TTC12: variants seen among roughly 807,000 people sequenced by gnomAD.
TTC12 encodes the protein tetratricopeptide repeat domain 12.
Under a neutral mutation model 90.1 loss-of-function variants are expected in TTC12, and 70 were observed. That is an observed-to-expected ratio of 0.78 (90% CI 0.64 to 0.95). TTC12 has a LOEUF of 0.95. Among genes scored for constraint, TTC12 ranks in the 40% least tolerant of loss-of-function variants. The pLI is 0.00. For missense variants in TTC12, 819 were observed against 846.1 expected, an observed-to-expected ratio of 0.97 and a Z score of 0.40; for synonymous variants, 296 against 311.5, an observed-to-expected ratio of 0.95 and a Z score of 0.53.
intron 4 of TTC12, chr11:113,324,328 A>T: frequency 1.9e-6 from 1 of 537,244 alleles, no homozygotes; most frequent in Non-Finnish European, 3.2e-6. Flanking sequence ...ACGGAACAAA[A>T]AAATCTCTCT....
At chr11:113,325,888 C>T (rs1947660193) in intron 6 of TTC12, among the ~76,000 whole-genome samples, 1 of 152,170 alleles carries the variant, frequency 6.6e-6, no homozygotes, top group Non-Finnish European at 1.5e-5. Context: ...CCATTATCAG[C>T]TCTCTCCATA....
chr11:113,316,899 T>G (rs1555135929), intron 2 of TTC12, among the ~76,000 whole-genome samples: 4 of 152,244 alleles, frequency 2.6e-5, no homozygotes. Flanking sequence ...CAGTCCCTGT[T>G]CAGGGAGCTT....
At chr11:113,329,856 G>A (rs1046571474) in intron 6 of TTC12, 64 bp from the exon 7 acceptor site, 4 of 1,330,000 alleles carry the variant, frequency 3.0e-6, no homozygotes, top group East Asian at 4.6e-5. Context: ...TGTTCTTTCT[G>A]TGTGAACTGA....
At chr11:113,339,638 C>A in intron 10 of TTC12, 164 bp downstream of exon 10, 1 of 609,946 alleles carries the variant, frequency 1.6e-6, no homozygotes, top group Non-Finnish European at 2.8e-6. Flanking sequence ...AAATGTCCTC[C>A]GACTTCTGCT....
Position 113,341,923 on chromosome 11 carries a change from A to T in TTC12, c.983A>T (p.Asn328Ile). ...CTCTGGCAAGCAGTGTGCAGCAGGA[A>T]CGGTAAGCCTGGGTAATCACCGTTG... ...LKLWQAVCSR[N>I]EENQRVLVIH... The change falls in exon 12 of 22, where the codon AAC (asparagine) becomes ATC (isoleucine). Residue 328 changes from asparagine (N) to isoleucine (I), a missense_variant and splice_region_variant. Physicochemically the swap from Asn to Ile is moderately radical, Grantham distance 149 (BLOSUM62 -3). Coordinates refer to ENST00000529221, the MANE Select transcript of TTC12 (RefSeq NM_017868.4). 6.2e-7 allele frequency: 1 copy of T among 1,613,670 alleles called. No homozygotes were observed. Among genetic ancestry groups the T allele is most frequent in the Non-Finnish European group, 8.5e-7 (1 of 1,179,564 alleles).
At chr11:113,369,442 C>T (rs1950323082), downstream of TTC12, among the ~76,000 whole-genome samples, 1 of 126,342 alleles carries the variant, frequency 7.9e-6, no homozygotes, top group African/African-American at 2.9e-5. Flanking sequence ...GTGCATTGTG[C>T]CTTTGCTCTG....
At chr11:113,338,972 G>A (rs1948533711) in intron 9 of TTC12, 138 bp downstream of exon 9, 1 of 746,204 alleles carries the variant, frequency 1.3e-6, no homozygotes, top group South Asian at 1.7e-5. Flanking sequence ...TGGGTCCTCT[G>A]TGTTAACCAG....
At chr11:113,338,998 T>C (rs78278794) in intron 9 of TTC12, among the ~76,000 whole-genome samples, 164 bp downstream of exon 9, 1,672 of 152,296 alleles carry the variant, frequency 0.011, 36 homozygotes, top group African/African-American at 0.038. Context: ...TCTGCTCCTC[T>C]GTTTGCTGTG....
At chr11:113,314,657 C>G (rs1335529697) in intron 1 of TTC12, 39 bp downstream of exon 1, 3 of 153,004 alleles carry the variant, frequency 2.0e-5, no homozygotes, top group African/African-American at 7.2e-5. Context: ...CCCCTGGGAG[C>G]TGGTCCTGCA....
At position 113,325,640 on chromosome 11, in the gene TTC12, G is replaced by T. The variant is rs1947641441; in HGVS notation, c.439G>T (p.Ala147Ser). ...KDMKVLYTNR[A>S]QAYMKLEDYE... ...CATGAAAGTGCTGTACACCAACCGA[G>T]CCCAGGTCAGTGAGGCAGGGATGTA... The change falls in exon 6 of 22, where the codon GCC becomes TCC. Residue 147 changes from alanine (A) to serine (S), a missense_variant. Physicochemically the swap from Ala to Ser is moderately conservative, Grantham distance 99 (BLOSUM62 1). Coordinates refer to ENST00000529221, the MANE Select transcript of TTC12 (RefSeq NM_017868.4). 1 of 1,613,768 alleles carries T rather than the reference G, an allele frequency of 6.2e-7. No homozygotes were observed. Among genetic ancestry groups the T allele is most frequent in the East Asian group, 2.2e-5 (1 of 44,900 alleles).
At chr11:113,367,276 T>A (rs908800232), downstream of TTC12, among the ~76,000 whole-genome samples, 18 of 152,232 alleles carry the variant, frequency 1.2e-4, no homozygotes, top group African/African-American at 4.3e-4. Context: ...CGTACCCTGC[T>A]ACCTGCCCTG....
chr11:113,364,650 G>A, intron 20 of TTC12, 185 bp from the exon 21 acceptor site: 1 of 601,626 alleles, frequency 1.7e-6, no homozygotes, highest in Admixed American at 2.7e-5. Flanking sequence ...GGTTCAGCAA[G>A]GAGTTGAGGA....
chr11:113,320,858 A>T (rs543632799), intron 2 of TTC12, among the ~76,000 whole-genome samples: 1 of 152,252 alleles, frequency 6.6e-6, no homozygotes, highest in South Asian at 2.1e-4. Context: ...ATGTCCTGCG[A>T]GGGGGATCAG....
intron 21 of TTC12, 89 bp downstream of exon 21, chr11:113,365,149 A>G: frequency 8.5e-7 from 1 of 1,173,386 alleles, no homozygotes; most frequent in Admixed American, 1.9e-5. Flanking sequence ...TGCATGCCAC[A>G]CAGAACAGTG....
chr11:113,329,858 G>A (rs1947924836), intron 6 of TTC12, 62 bp from the exon 7 acceptor site: 1 of 1,357,374 alleles, frequency 7.4e-7, no homozygotes, highest in Non-Finnish European at 1.1e-6. Flanking sequence ...TTCTTTCTGT[G>A]TGAACTGAAA....
rs1259429903 is a variant in TTC12 at position 113,344,302 on chromosome 11, A to G, written c.1016A>G (p.His339Arg). The G allele has an allele frequency of 3.1e-6, 5 of 1,613,950 alleles. No homozygotes were observed. Among genetic ancestry groups the G allele is most frequent in the African/African-American group, 1.3e-5 (1 of 74,948 alleles). Reference sequence around the variant, plus strand: ...AACCAGCGTGTGCTAGTGATACACCATGACAGGGCCAGGCTGTTGGCCGCC... The same window carrying G: ...AACCAGCGTGTGCTAGTGATACACCGTGACAGGGCCAGGCTGTTGGCCGCC... ...EENQRVLVIH[H>R]DRARLLAALL... The change falls in exon 13 of 22, where the codon CAT (histidine) becomes CGT (arginine). Residue 339 changes from histidine (H) to arginine (R), a missense_variant. By Grantham distance (29) the His-to-Arg change is conservative (BLOSUM62 0). Transcript: ENST00000529221.
chr11:113,336,831 G>A (rs1190089020), intron 8 of TTC12, among the ~76,000 whole-genome samples: 1 of 152,086 alleles, frequency 6.6e-6, no homozygotes, highest in Non-Finnish European at 1.5e-5. Context: ...AACTATTCTG[G>A]TGCTCTCAAA....
At chr11:113,325,838 C>A (rs1947656052) in intron 6 of TTC12, 193 bp downstream of exon 6, 4 of 669,534 alleles carry the variant, frequency 6.0e-6, no homozygotes, top group Admixed American at 3.2e-5. Context: ...TCACCATGAT[C>A]TAATTTGGAA....
At chr11:113,316,362 A>T (rs144853634) in intron 2 of TTC12, 47 bp downstream of exon 2, 1 of 1,017,532 alleles carries the variant, frequency 9.8e-7, no homozygotes, top group Non-Finnish European at 1.4e-6. Context: ...AGAGAAGTGG[A>T]GTAGATAAAT....
Sources: allele counts gnomAD v4.1 joint callset (sites outside exome capture counted in the v4.1 genomes callset), GRCh38; gene constraint gnomAD v4.1.1; transcripts MANE v1.5; gene names NCBI Gene and HGNC (gene_info 2026-07-23, HGNC 2026-07-21).